Variants in PICALM observed in about 807,000 individuals in gnomAD.
PICALM encodes phosphatidylinositol-binding clathrin assembly protein.
Under a neutral mutation model 80.5 loss-of-function variants are expected in PICALM, and 40 were observed. The observed-to-expected ratio is 0.50, with a 90% CI of 0.39 to 0.65. The LOEUF is 0.65. PICALM is among the 30% of genes least tolerant of loss of function. The pLI is 0.00. For missense variants in PICALM, 676 were observed against 778.9 expected, an observed-to-expected ratio of 0.87 and a Z score of 1.57; for synonymous variants, 288 against 260.3, an observed-to-expected ratio of 1.11 and a Z score of -1.02.
At chr11:86,024,575 T>TA (rs2095620233) in intron 3 of PICALM, among the ~76,000 whole-genome samples, 2 of 151,986 alleles carry the variant, frequency 1.3e-5, no homozygotes, top group Admixed American at 1.3e-4. Context: ...TTGACTAAGC[T>TA]ATGATGCTTT....
At chr11:86,047,315 T>C (rs1450069741) in intron 1 of PICALM, among the ~76,000 whole-genome samples, 1 of 152,266 alleles carries the variant, frequency 6.6e-6, no homozygotes, top group Non-Finnish European at 1.5e-5. Flanking sequence ...TCTGGTTTAG[T>C]ATAATCCTCA....
chr11:85,967,160 T>C (rs1349883976), intron 19 of PICALM, among the ~76,000 whole-genome samples: 1 of 152,184 alleles, frequency 6.6e-6, no homozygotes, highest in African/African-American at 2.4e-5. Flanking sequence ...TACGGCTATA[T>C]TGAATTTACA....
chr11:86,008,508 T>A (rs1436966743), intron 7 of PICALM, among the ~76,000 whole-genome samples: 1 of 151,936 alleles, frequency 6.6e-6, no homozygotes, highest in Admixed American at 6.6e-5. Flanking sequence ...TAATCCCAGC[T>A]ACTCAGCAGG....
rs1394339339 is a variant in PICALM at position 86,026,383 on chromosome 11, T to C, written c.274-16A>G. On this transcript the variant is annotated splice_polypyrimidine_tract_variant and intron_variant, in intron 2 of 19. Coordinates refer to ENST00000393346, the MANE Select transcript of PICALM (RefSeq NM_007166.4). Reference sequence around the variant, plus strand: ...GAATAAAACGCTGGAAAAAAAAAATTACATCATATTAAGGTACTGCCATCT... The same window carrying C: ...GAATAAAACGCTGGAAAAAAAAAATCACATCATATTAAGGTACTGCCATCT... 9.2e-6 allele frequency: 14 copies of C among 1,517,890 alleles called. No individual in the cohort carries two copies. The highest frequency in any genetic ancestry group is 1.2e-5 in the Non-Finnish European group (13 of 1,099,762). 94.0% of individuals were successfully genotyped at this position (1,517,890 alleles called of 1,614,324 possible).
At chr11:86,045,207 T>C (rs2096050535) in intron 1 of PICALM, among the ~76,000 whole-genome samples, 1 of 152,130 alleles carries the variant, frequency 6.6e-6, no homozygotes. Flanking sequence ...GAGTTATTTT[T>C]CCTAATAAGT....
chr11:85,975,483 C>T (rs1232713851), intron 18 of PICALM, among the ~76,000 whole-genome samples: 1 of 151,646 alleles, frequency 6.6e-6, no homozygotes, highest in Non-Finnish European at 1.5e-5. Flanking sequence ...GGTTAAAATG[C>T]AATGCTCTAA....
chr11:86,021,264 T>C (rs1448340457), intron 4 of PICALM, among the ~76,000 whole-genome samples: 1 of 151,828 alleles, frequency 6.6e-6, no homozygotes, highest in Non-Finnish European at 1.5e-5. Context: ...GGGGGAAAAA[T>C]TGCTTGAGCA....
Position 86,000,718 on chromosome 11 carries a change from G to A in PICALM, c.1079C>T (p.Pro360Leu). ...PHTSLTTAAS[P>L]VSTSAGGIMT... ...TATCCCTCCTGCTGAGGTGGATACA[G>A]GAGAGGCTGCAGTTGTTAAAGAGGT... Residue 360 changes from proline (P) to leucine (L), a missense_variant, in exon 11 of 20, where the codon CCT becomes CTT. By Grantham distance (98) the Pro-to-Leu change is moderately conservative. Transcript: ENST00000393346. 6.2e-7 allele frequency: 1 copy of A among 1,612,808 alleles called. No homozygotes were observed. Among genetic ancestry groups the A allele is most frequent in the Non-Finnish European group, 8.5e-7 (1 of 1,179,698 alleles).
At chr11:86,052,672 G>A (rs1292531187) in intron 1 of PICALM, among the ~76,000 whole-genome samples, 2 of 152,104 alleles carry the variant, frequency 1.3e-5, no homozygotes, top group African/African-American at 4.8e-5. Context: ...TTTCACACTG[G>A]CAGCAGAAAC....
intron 12 of PICALM, among the ~76,000 whole-genome samples, chr11:85,996,420 T>C (rs1464752135): frequency 6.6e-6 from 1 of 152,088 alleles, no homozygotes; most frequent in Non-Finnish European, 1.5e-5. Context: ...ATCTGAGTTT[T>C]ATTAGAACTA....
intron 4 of PICALM, among the ~76,000 whole-genome samples, chr11:86,021,232 T>TC (rs1373113449): frequency 2.0e-5 from 3 of 152,064 alleles, no homozygotes; most frequent in Non-Finnish European, 4.4e-5. Flanking sequence ...ATGCCTGTGT[T>TC]CCCAGCTACT....
At chr11:86,015,053 G>A in intron 4 of PICALM, 90 bp from the exon 5 acceptor site, 1 of 698,800 alleles carries the variant, frequency 1.4e-6, no homozygotes. Flanking sequence ...CTAAAACAGA[G>A]AACCAAGTTG....
chr11:85,997,711 T>TA (rs1263660620), intron 11 of PICALM, among the ~76,000 whole-genome samples: 3 of 152,348 alleles, frequency 2.0e-5, no homozygotes, highest in South Asian at 4.1e-4. Context: ...CCTCAGGTGA[T>TA]ACGCCTGCCT....
intron 1 of PICALM, among the ~76,000 whole-genome samples, chr11:86,065,257 C>T (rs1354367853): frequency 1.3e-5 from 2 of 152,064 alleles, no homozygotes; most frequent in African/African-American, 2.4e-5. Flanking sequence ...ACCATCCTGG[C>T]CAACATGGTG....
intron 14 of PICALM, 51 bp downstream of exon 14, chr11:85,983,815 G>A: frequency 1.4e-6 from 1 of 738,646 alleles, no homozygotes; most frequent in Non-Finnish European, 2.3e-6. Context: ...TCCTTACACA[G>A]AATCTAAATT....
In PICALM at chr11:85,958,965, C is replaced by A. The variant is rs1228710839; in HGVS notation, c.*81G>T. The A allele has an allele frequency of 1.0e-6, 1 of 959,838 alleles. No individual in the cohort carries two copies. Among genetic ancestry groups the A allele is most frequent in the Admixed American group, 2.0e-5 (1 of 49,220 alleles). 59.5% of individuals were successfully genotyped at this position (959,838 alleles called of 1,614,324 possible). On this transcript the variant is annotated 3_prime_UTR_variant, in exon 20 of 20. Coordinates refer to ENST00000393346, the MANE Select transcript of PICALM (RefSeq NM_007166.4). ...AGAGTTTAAGAGATTTAAGAGACAG[C>A]AGTTTGGATTTTGCTGGAAGTAAGG...
chr11:85,961,078 G>A (rs1209287962), intron 19 of PICALM, among the ~76,000 whole-genome samples: 1 of 143,598 alleles, frequency 7.0e-6, no homozygotes, highest in Non-Finnish European at 1.5e-5. Context: ...ATTTTAATGT[G>A]TGTATGGGGG....
intron 19 of PICALM, among the ~76,000 whole-genome samples, chr11:85,971,162 C>T (rs1315633493): frequency 1.3e-5 from 2 of 152,170 alleles, no homozygotes; most frequent in Non-Finnish European, 2.9e-5. Flanking sequence ...CTTCTTCAAG[C>T]CATTTCATTG....
chr11:86,065,666 C>T (rs559524294), intron 1 of PICALM, among the ~76,000 whole-genome samples: 9 of 152,180 alleles, frequency 5.9e-5, no homozygotes, highest in Middle Eastern at 3.4e-3. Context: ...TACTAAAGGC[C>T]TAAGATTAAA....
Sources: gnomAD v4.1 joint callset for allele counts (sites outside exome capture counted in the v4.1 genomes callset) on GRCh38, gnomAD v4.1.1 for gene constraint, MANE v1.5 for transcripts, NCBI Gene and HGNC (gene_info 2026-07-23, HGNC 2026-07-21) for gene names.